The following NARS2 variants were observed in gnomAD, a reference collection of about 807,000 sequenced individuals.
NARS2 encodes the protein asparaginyl-tRNA synthetase 2, mitochondrial.
NARS2 carries 60 observed loss-of-function variants against 62.9 expected under a neutral mutation model. The ratio of observed to expected loss-of-function variants is 0.95; its 90% confidence interval spans 0.77 to 1.18. The LOEUF is 1.18. NARS2 is among the 50% of genes most tolerant of loss of function. The pLI is 0.00. For missense variants in NARS2, 619 were observed against 576.4 expected (o/e 1.07, Z -0.76); for synonymous variants, 196 against 200.0 (o/e 0.98, Z 0.17).
In NARS2 at chr11:78,566,256, T is replaced by C. The variant is rs1472145455; in HGVS notation, c.389A>G (p.Tyr130Cys). 1 of 1,592,020 alleles carries C rather than the reference T, an allele frequency of 6.3e-7. No individual in the cohort carries two copies. Among genetic ancestry groups the C allele is most frequent in the Non-Finnish European group, 8.6e-7 (1 of 1,169,122 alleles). Residue 130 changes from tyrosine to cysteine, a missense_variant, in exon 4 of 14, where the codon TAT becomes TGT. Physicochemically the swap from Tyr to Cys is radical, Grantham distance 194. Coordinates refer to ENST00000281038, the MANE Select transcript of NARS2 (RefSeq NM_024678.6). ...NCDAKDFPIK[Y>C]KERHPLEYLR... ...ATACTCCAGAGGATGCCTCTCTTTA[T>C]ATTTGATGGGGAAATCCTGCCAATA... is the stretch of plus-strand genomic sequence containing the variant.
At chr11:78,497,392 A>T (rs2135343349) in intron 6 of NARS2, among the ~76,000 whole-genome samples, 1 of 152,266 alleles carries the variant, frequency 6.6e-6, no homozygotes, top group Non-Finnish European at 1.5e-5. Flanking sequence ...TTCACAGTGA[A>T]TCTTAACATT....
chr11:78,556,655 G>A (rs994671018), intron 5 of NARS2, among the ~76,000 whole-genome samples: 9 of 152,240 alleles, frequency 5.9e-5, no homozygotes, highest in Non-Finnish European at 1.3e-4. Context: ...AGGAAGTGTT[G>A]CCTGATTCTT....
At chr11:78,499,612 G>A (rs1860207747) in intron 6 of NARS2, among the ~76,000 whole-genome samples, 1 of 152,184 alleles carries the variant, frequency 6.6e-6, no homozygotes, top group Admixed American at 6.5e-5. Flanking sequence ...CTGTCAACAA[G>A]AAAATCTTTG....
chr11:78,455,364 T>C (rs746222002), intron 11 of NARS2, among the ~76,000 whole-genome samples: 3 of 152,240 alleles, frequency 2.0e-5, no homozygotes, highest in African/African-American at 7.2e-5. Flanking sequence ...ATGATACAAG[T>C]GTGTAATTCC....
intron 5 of NARS2, among the ~76,000 whole-genome samples, chr11:78,536,889 G>A (rs1025038436): frequency 2.0e-5 from 3 of 152,090 alleles, no homozygotes; most frequent in Non-Finnish European, 4.4e-5. Flanking sequence ...CTATACAGGT[G>A]TACCATTAAA....
chr11:78,476,586 G>A (rs1232414028), intron 9 of NARS2, among the ~76,000 whole-genome samples: 1 of 152,210 alleles, frequency 6.6e-6, no homozygotes, highest in Admixed American at 6.5e-5. Flanking sequence ...GTTCTTGTAT[G>A]TGACTAGTTG....
chr11:78,504,872 C>G (rs899645266), intron 6 of NARS2, among the ~76,000 whole-genome samples: 1 of 152,024 alleles, frequency 6.6e-6, no homozygotes, highest in Non-Finnish European at 1.5e-5. Context: ...GCTGACTGCT[C>G]CAGAATAACT....
intron 6 of NARS2, among the ~76,000 whole-genome samples, chr11:78,501,623 T>TA (rs796975049): frequency 2.0e-5 from 3 of 152,190 alleles, no homozygotes; most frequent in Non-Finnish European, 4.4e-5. Flanking sequence ...AATACTGCCC[T>TA]AAAAAAGGTT....
intron 7 of NARS2, among the ~76,000 whole-genome samples, chr11:78,489,323 T>C (rs779904743): frequency 2.0e-5 from 3 of 152,046 alleles, no homozygotes; most frequent in Non-Finnish European, 4.4e-5. Context: ...GGCCAGTAAG[T>C]ACATGAAAAG....
At chr11:78,451,024 T>C (rs1857953679) in intron 11 of NARS2, among the ~76,000 whole-genome samples, 1 of 152,150 alleles carries the variant, frequency 6.6e-6, no homozygotes, top group Admixed American at 6.6e-5. Flanking sequence ...TCTTTTCTCT[T>C]TTACTTCAGG....
At chr11:78,547,379 C>T (rs1303073364) in intron 5 of NARS2, among the ~76,000 whole-genome samples, 2 of 152,070 alleles carry the variant, frequency 1.3e-5, no homozygotes, top group South Asian at 2.1e-4. Context: ...CTAACTTGTG[C>T]ATACTATCAT....
chr11:78,547,235 G>A (rs1427239562), intron 5 of NARS2, among the ~76,000 whole-genome samples: 2 of 152,110 alleles, frequency 1.3e-5, no homozygotes, highest in Non-Finnish European at 2.9e-5. Context: ...CTACCTGGGA[G>A]GCTAAAGTGG....
chr11:78,573,576 T>A (rs570019791), intron 1 of NARS2: 1 of 152,326 alleles, frequency 6.6e-6, no homozygotes, highest in East Asian at 1.9e-4. Flanking sequence ...AGCAACCTAA[T>A]AAGAAACAGT....
intron 1 of NARS2, among the ~76,000 whole-genome samples, chr11:78,574,053 A>G (rs1857023128): frequency 6.6e-6 from 1 of 152,182 alleles, no homozygotes; most frequent in Admixed American, 6.5e-5. Context: ...GATATTCATT[A>G]TAAGGGATAA....
At chr11:78,570,182 T>C (rs1166584626) in intron 2 of NARS2, among the ~76,000 whole-genome samples, 1 of 151,848 alleles carries the variant, frequency 6.6e-6, no homozygotes, top group Admixed American at 6.6e-5. Context: ...AGAGTCAGAC[T>C]CTCTCCAGGA....
At chr11:78,465,453 C>T (rs532635873) in intron 11 of NARS2, among the ~76,000 whole-genome samples, 60 of 152,378 alleles carry the variant, frequency 3.9e-4, no homozygotes, top group African/African-American at 1.3e-3. Flanking sequence ...GCTACCAGCA[C>T]GCTGTCACCT....
intron 6 of NARS2, among the ~76,000 whole-genome samples, chr11:78,528,481 C>T (rs779349042): frequency 6.6e-5 from 10 of 151,964 alleles, no homozygotes; most frequent in Non-Finnish European, 1.3e-4. Context: ...AAAATTATTC[C>T]GTCTGTTTCA....
chr11:78,494,279 AAT>A (rs1275479155), intron 6 of NARS2, among the ~76,000 whole-genome samples: 1 of 152,160 alleles, frequency 6.6e-6, no homozygotes, highest in Non-Finnish European at 1.5e-5. Flanking sequence ...TGAAGTAATA[AAT>A]ATTTCTTGAG....
chr11:78,565,619 G>T (rs1856716818), intron 4 of NARS2, among the ~76,000 whole-genome samples: 2 of 152,150 alleles, frequency 1.3e-5, no homozygotes. Flanking sequence ...GCTGCAGAGG[G>T]CCACCTTGCA....
Sources: allele counts gnomAD v4.1 joint callset (sites outside exome capture counted in the v4.1 genomes callset), GRCh38; gene constraint gnomAD v4.1.1; transcripts MANE v1.5; gene names NCBI Gene and HGNC (gene_info 2026-07-23, HGNC 2026-07-21).